ANPEP: variants seen among roughly 807,000 people sequenced by gnomAD.
The protein encoded by ANPEP is alanyl aminopeptidase, membrane, also known as aminopeptidase N.
ANPEP carries 70 observed loss-of-function variants against 114.6 expected under a neutral mutation model. The observed-to-expected ratio is 0.61, with a 90% CI of 0.50 to 0.75. The LOEUF is 0.75. Among genes scored for constraint, ANPEP ranks in the 30% least tolerant of loss-of-function variants. The pLI is 0.00. For missense variants in ANPEP, 1,184 were observed against 1,259.5 expected, an observed-to-expected ratio of 0.94 and a Z score of 0.91; for synonymous variants, 548 against 522.3, an observed-to-expected ratio of 1.05 and a Z score of -0.67.
chr15:89,796,601 C>CTT (rs1968731385), intron 15 of ANPEP, among the ~76,000 whole-genome samples: 2 of 152,056 alleles, frequency 1.3e-5, no homozygotes, highest in Admixed American at 1.3e-4. Flanking sequence ...CATTCTCCTG[C>CTT]CTCAGCCTCC....
In ANPEP at chr15:89,804,562, A is replaced by G. The variant is rs1241811321; in HGVS notation, c.953T>C (p.Leu318Pro). 3.7e-6 allele frequency: 6 copies of G among 1,614,058 alleles called. No individual in the cohort carries two copies. The highest frequency in any genetic ancestry group is 5.1e-6 in the Non-Finnish European group (6 of 1,180,022). Residue 318 changes from leucine (L) to proline (P), a missense_variant, in exon 5 of 21, where the codon CTG becomes CCG. Physicochemically the swap from Leu to Pro is moderately conservative, Grantham distance 98. Coordinates refer to ENST00000300060, the MANE Select transcript of ANPEP (RefSeq NM_001150.3). ...AIAAGHGDYA[L>P]NVTGPILNFF... ...GTTAAGGATGGGGCCCGTCACGTTC[A>G]GGGCATAATCGCCGTGGCCCGCCGC...
Position 89,785,382 on chromosome 15 carries a change from C to T in ANPEP, c.2871G>A (p.Val957=). The T allele has an allele frequency of 6.2e-7, 1 of 1,614,248 alleles. No homozygotes were observed. The highest frequency in any genetic ancestry group is 8.5e-7 in the Non-Finnish European group (1 of 1,180,040). ...TGTTTTCTGTGAACCACTGGAGCAC[C>T]ACCTCCTTGTTCTCCTTCACCCACT... ...NIKWVKENKE[V]VLQWFTENSK is the part of the protein sequence containing the mutation. Residue 957 remains valine, a synonymous_variant, in exon 21 of 21, where the codon GTG becomes GTA. Coordinates refer to ENST00000300060, the MANE Select transcript of ANPEP (RefSeq NM_001150.3).
Position 89,803,849 on chromosome 15 carries a change from T to C in ANPEP, c.1293+40A>G, listed in dbSNP as rs774584765. 4.3e-6 allele frequency: 7 copies of C among 1,613,704 alleles called. No homozygotes were observed. The highest frequency in any genetic ancestry group is 5.9e-6 in the Non-Finnish European group (7 of 1,179,736). On this transcript the variant is annotated intron_variant, in intron 7 of 20. Transcript: ENST00000300060. This position sits in a 1 kb window ranked among gnomAD's most constrained non-coding sequence, Gnocchi z 4.2. ...CTGGTAGCGGTGGCCCAGGTCTCCC[T>C]CCATGCCCCCCGCACCAGACCCCTG... is the stretch of plus-strand genomic sequence containing the variant.
intron 19 of ANPEP, 61 bp downstream of exon 19, chr15:89,790,892 C>A: frequency 1.3e-6 from 2 of 1,588,860 alleles, no homozygotes; most frequent in Non-Finnish European, 1.7e-6. Context: ...CCCGCACAGG[C>A]CACCCCCCGG....
chr15:89,814,339 C>T (rs1034242046), intron 1 of ANPEP, among the ~76,000 whole-genome samples: 1 of 152,218 alleles, frequency 6.6e-6, no homozygotes, highest in Non-Finnish European at 1.5e-5. Context: ...TGGCCAGAGA[C>T]CCCACAGGCG....
intron 10 of ANPEP, among the ~76,000 whole-genome samples, chr15:89,801,895 G>C (rs902203933): frequency 5.3e-5 from 8 of 152,188 alleles, no homozygotes; most frequent in African/African-American, 1.9e-4. Flanking sequence ...GGATGCCCAT[G>C]GCTCTTCCTG....
intron 20 of ANPEP, among the ~76,000 whole-genome samples, chr15:89,785,858 A>G (rs1968498213): frequency 2.6e-5 from 4 of 152,262 alleles, no homozygotes. Flanking sequence ...GCTTCAGTAA[A>G]TAAATGGGTT....
intron 20 of ANPEP, among the ~76,000 whole-genome samples, chr15:89,787,815 C>T (rs1968534664): frequency 6.6e-6 from 1 of 152,180 alleles, no homozygotes; most frequent in Non-Finnish European, 1.5e-5. Context: ...GAAAAATAGT[C>T]AGTTTTACCC....
At position 89,806,288 on chromosome 15, in the gene ANPEP, C is replaced by A; in HGVS notation, c.296G>T (p.Gly99Val). Residue 99 changes from glycine (G) to valine (V), a missense_variant, in exon 2 of 21, where the codon GGC becomes GTC. Physicochemically the swap from Gly to Val is moderately radical, Grantham distance 109. Coordinates refer to ENST00000300060, the MANE Select transcript of ANPEP (RefSeq NM_001150.3). The surrounding 1 kb of genome is among the most constrained non-coding windows in gnomAD (Gnocchi z 5.7). ...GCTGGAGCCCTTAAAAACGTACAGG[C>A]CCCTGTCATTGGGGGTGAGGTACGG... ...LRPYLTPNDRGLYVFKGSSTV... is the reference protein window; with the variant it reads ...LRPYLTPNDRVLYVFKGSSTV... 6.2e-7 allele frequency: 1 copy of A among 1,614,140 alleles called. No homozygotes were observed. Among genetic ancestry groups the A allele is most frequent in the South Asian group, 1.1e-5 (1 of 91,078 alleles).
Position 89,806,283 on chromosome 15 carries a change from A to T in ANPEP, c.301T>A (p.Tyr101Asn). 6.2e-7 allele frequency: 1 copy of T among 1,614,082 alleles called. No homozygotes were observed. Among genetic ancestry groups the T allele is most frequent in the Non-Finnish European group, 8.5e-7 (1 of 1,180,020 alleles). The change falls in exon 2 of 21, where the codon TAC (tyrosine) becomes AAC (asparagine). Residue 101 changes from tyrosine (Y) to asparagine (N), a missense_variant. Physicochemically the swap from Tyr to Asn is moderately radical, Grantham distance 143 (BLOSUM62 -2). Coordinates refer to ENST00000300060, the MANE Select transcript of ANPEP (RefSeq NM_001150.3). This position sits in a 1 kb window ranked among gnomAD's most constrained non-coding sequence, Gnocchi z 5.7. Reference sequence around the variant, plus strand: ...ACGGTGCTGGAGCCCTTAAAAACGTACAGGCCCCTGTCATTGGGGGTGAGG... The same window carrying T: ...ACGGTGCTGGAGCCCTTAAAAACGTTCAGGCCCCTGTCATTGGGGGTGAGG... Reference protein sequence around the residue: ...PYLTPNDRGLYVFKGSSTVRF... With the variant: ...PYLTPNDRGLNVFKGSSTVRF...
chr15:89,801,497 G>A lies in ANPEP; in HGVS notation c.1680C>T (p.Thr560=), dbSNP rs1894589569. 3 of 1,614,010 alleles carry A rather than the reference G, an allele frequency of 1.9e-6. No individual in the cohort carries two copies. The highest frequency in any genetic ancestry group is 1.7e-5 in the Admixed American group (1 of 60,006). ...CAAGGAGGAAGTGCTCCTGGGAAAG[G>A]GTCCCCGTGCTGGTATCCACCGTGA... ...PVITVDTSTG[T]LSQEHFLLDP... Residue 560 remains threonine, a synonymous_variant, in exon 11 of 21, where the codon ACC becomes ACT. Coordinates refer to ENST00000300060, the MANE Select transcript of ANPEP (RefSeq NM_001150.3).
In ANPEP at chr15:89,792,179, CTT is replaced by C. The variant is rs1567154961; in HGVS notation, c.2507_2508del (p.Lys836ArgfsTer53). 2 of 1,614,162 alleles carry C rather than the reference CTT, an allele frequency of 1.2e-6. No homozygotes were observed. The highest frequency in any genetic ancestry group is 2.2e-5 in the South Asian group (2 of 91,078). On this transcript the variant is annotated frameshift_variant, in exon 18 of 21. Coordinates refer to ENST00000300060, the MANE Select transcript of ANPEP (RefSeq NM_001150.3). LOFTEE classifies it high-confidence loss of function. ...ACTCACCTGTTCAGGATCCACAACT[CTT>C]TGCTGCAGGCCAGGGCTGCCCGGAG... is the stretch of plus-strand genomic sequence containing the variant. ...DKLRAALACSKELWILNRYLS... is the reference protein window; with the variant it reads ...DKLRAALACSXELWILNRYLS...
rs923645179 is a variant in ANPEP, at chr15:89,806,884, C to T, written c.-223-78G>A. On this transcript the variant is annotated intron_variant, in intron 1 of 20. Coordinates refer to ENST00000300060, the MANE Select transcript of ANPEP (RefSeq NM_001150.3). This position sits in a 1 kb window ranked among gnomAD's most constrained non-coding sequence, Gnocchi z 5.7. The stretch of plus-strand genomic sequence containing the variant: ...GCCCGAGGGCTGAAGGGCAGGCTTC[C>T]GGCTGTAGGCCCAGTGGGCAAAGCA... 3.9e-5 allele frequency: 13 copies of T among 335,112 alleles called. No homozygotes were observed. Among genetic ancestry groups the T allele is most frequent in the African/African-American group, 6.2e-5 (3 of 48,366 alleles). The allele number at this position is 335,112 out of a possible 1,614,324, so 20.8% of individuals were successfully genotyped here.
At position 89,804,405 on chromosome 15, in the gene ANPEP, G is replaced by A. The variant is rs1241173239; in HGVS notation, c.1027C>T (p.Gln343Ter). The change falls in exon 6 of 21, where the codon CAG becomes TAG. Residue 343 changes from glutamine (Q) to a stop codon, truncating the protein, a stop_gained and splice_region_variant. Coordinates refer to ENST00000300060, the MANE Select transcript of ANPEP (RefSeq NM_001150.3). LOFTEE classifies it high-confidence loss of function. ...DTPYPLPKSD[Q>*]IGLPDFNAGA... The stretch of plus-strand genomic sequence containing the variant: ...GCGTTGAAGTCTGGCAGGCCAATCT[G>A]GTCTGGGGAGGCGATGCCATTGGCA... 1 of 1,614,104 alleles carries A rather than the reference G, an allele frequency of 6.2e-7. No individual in the cohort carries two copies. Among genetic ancestry groups the A allele is most frequent in the African/African-American group, 1.3e-5 (1 of 74,944 alleles).
chr15:89,801,762 G>A (rs959492261), intron 10 of ANPEP, among the ~76,000 whole-genome samples, 155 bp from the exon 11 acceptor site: 17 of 152,208 alleles, frequency 1.1e-4, no homozygotes, highest in Admixed American at 5.2e-4. Context: ...CCAGGGTACC[G>A]TCCAGCTCTG....
At chr15:89,792,654 A>G in intron 16 of ANPEP, 92 bp from the exon 17 acceptor site, 4 of 1,163,372 alleles carry the variant, frequency 3.4e-6, no homozygotes, top group Non-Finnish European at 5.0e-6. Flanking sequence ...CACCCTGCCT[A>G]AGGCTCTGTG....
At position 89,799,641 on chromosome 15, in the gene ANPEP, C is replaced by A. The variant is rs1440843802; in HGVS notation, c.1820-82G>T. 18 of 1,588,250 alleles carry A rather than the reference C, an allele frequency of 1.1e-5. No individual in the cohort carries two copies. The highest frequency in any genetic ancestry group is 1.7e-6 in the Non-Finnish European group (2 of 1,164,574). Reference sequence around the variant, plus strand: ...GGACCTCTTGCAAGAGCAGCTGCCCCCGCAGCCTGGCACCACCTCACCCTC... The same window carrying A: ...GGACCTCTTGCAAGAGCAGCTGCCCACGCAGCCTGGCACCACCTCACCCTC... On this transcript the variant is annotated intron_variant, in intron 12 of 20. Transcript: ENST00000300060. This position sits in a 1 kb window ranked among gnomAD's most constrained non-coding sequence, Gnocchi z 4.2.
chr15:89,800,104 C>G (rs1426803884), intron 12 of ANPEP, among the ~76,000 whole-genome samples: 1 of 152,190 alleles, frequency 6.6e-6, no homozygotes, highest in Non-Finnish European at 1.5e-5. Context: ...TCTCCTGCAG[C>G]CCCTGGGGCC....
rs372119555 is a variant in ANPEP, at chr15:89,808,152, C to T, written c.-223-1346G>A. ...CTGCCCATTTCCTGGCCTCTTCCCC[C>T]CTGTTGCAGTACCCCAGCCACTCTG... On this transcript the variant is annotated intron_variant, in intron 1 of 20. Coordinates refer to ENST00000300060, the MANE Select transcript of ANPEP (RefSeq NM_001150.3). Among the ~76,000 whole-genome samples the T allele has an allele frequency of 7.1e-4, 108 of 152,338 alleles. 2 individuals carry two copies. Among genetic ancestry groups the T allele is most frequent in the African/African-American group, 2.5e-3 (104 of 41,568 alleles).
Sources: allele counts gnomAD v4.1 joint callset (sites outside exome capture counted in the v4.1 genomes callset), GRCh38; gene constraint gnomAD v4.1.1; non-coding constraint Gnocchi (gnomAD v3.1); transcripts MANE v1.5; gene names NCBI Gene and HGNC (gene_info 2026-07-23, HGNC 2026-07-21).